The following FKBP5 variants were observed in gnomAD, a reference collection of about 807,000 sequenced individuals.
FKBP5 encodes the protein peptidyl-prolyl cis-trans isomerase FKBP5.
In FKBP5, 23 loss-of-function variants were observed where a neutral mutation model predicts 50.5. The observed-to-expected ratio is 0.46, with a 90% confidence interval of 0.33 to 0.65. The LOEUF (loss-of-function observed/expected upper bound fraction) is 0.65. Ranked by LOEUF, FKBP5 falls within the 30% of genes least tolerant of loss-of-function variation. The pLI is 0.02. For synonymous variants in FKBP5, 176 were observed against 190.6 expected, an observed-to-expected ratio of 0.92 and a Z score of 0.63; for missense variants, 411 against 553.1, an observed-to-expected ratio of 0.74 and a Z score of 2.58.
At chr6:35,608,699 T>C (rs1213732142) in intron 5 of FKBP5, among the ~76,000 whole-genome samples, 1 of 152,116 alleles carries the variant, frequency 6.6e-6, no homozygotes, top group Non-Finnish European at 1.5e-5. Flanking sequence ...AAAAATGTTT[T>C]AAAAAAGAAA....
Position 35,668,728 on chromosome 6 carries a change from C to T in FKBP5, c.-20+20076G>A, listed in dbSNP as rs1479656149. On this transcript the variant is annotated intron_variant, in intron 1 of 10. Coordinates refer to ENST00000357266, the MANE Select transcript of FKBP5 (RefSeq NM_004117.4). ...AGTTTTAGGGTACATGTGAAGTCAC[C>T]TCTTTTGTTAAAATGCACAACAATA... Among the ~76,000 whole-genome samples, 4 of 151,784 alleles carry T rather than the reference C, an allele frequency of 2.6e-5. No homozygotes were observed. In the East Asian group the frequency reaches 5.8e-4, roughly 22 times the overall value.
chr6:35,652,593 C>G (rs1273003333), intron 1 of FKBP5, among the ~76,000 whole-genome samples: 1 of 152,162 alleles, frequency 6.6e-6, no homozygotes, highest in Admixed American at 6.5e-5. Context: ...AAATTCCCGC[C>G]TAATAAACTT....
At chr6:35,643,575 C>A (rs1347223306) in intron 1 of FKBP5, among the ~76,000 whole-genome samples, 1 of 152,132 alleles carries the variant, frequency 6.6e-6, no homozygotes, top group Non-Finnish European at 1.5e-5. Flanking sequence ...TTCTAGCTGC[C>A]ATTATTTTAT....
chr6:35,592,870 A>G (rs1002833171), intron 6 of FKBP5, among the ~76,000 whole-genome samples: 5 of 152,196 alleles, frequency 3.3e-5, no homozygotes, highest in Admixed American at 2.0e-4. Flanking sequence ...ACAGCCCCCT[A>G]TGACCAAGGA....
intron 1 of FKBP5, among the ~76,000 whole-genome samples, chr6:35,658,066 T>TAA (rs747364862): frequency 6.3e-5 from 7 of 111,036 alleles, no homozygotes; most frequent in South Asian, 2.8e-4. Context: ...CTGTTTCTAC[T>TAA]AAAAAAAAAA....
At chr6:35,680,001 T>A (rs188888640) in intron 1 of FKBP5, among the ~76,000 whole-genome samples, 34 of 152,226 alleles carry the variant, frequency 2.2e-4, no homozygotes, top group African/African-American at 8.2e-4. Context: ...GCAAAATAAA[T>A]GTTTATGTTG....
chr6:35,615,270 G>C (rs1186581527), intron 5 of FKBP5, among the ~76,000 whole-genome samples: 1 of 152,030 alleles, frequency 6.6e-6, no homozygotes, highest in African/African-American at 2.4e-5. Flanking sequence ...TGCTAAGTGG[G>C]TCTAGGAATG....
intron 3 of FKBP5, among the ~76,000 whole-genome samples, chr6:35,628,275 T>C (rs955612439): frequency 3.3e-5 from 5 of 152,178 alleles, no homozygotes; most frequent in African/African-American, 9.7e-5. Context: ...GGCACCCTTG[T>C]TGAAAAATCA....
chr6:35,598,130 T>C (rs1369888726), intron 5 of FKBP5, among the ~76,000 whole-genome samples: 1 of 152,178 alleles, frequency 6.6e-6, no homozygotes, highest in Non-Finnish European at 1.5e-5. Context: ...ACCAAGCTCT[T>C]TCCCAGAGTA....
At chr6:35,644,577 T>G (rs946745436) in intron 1 of FKBP5, among the ~76,000 whole-genome samples, 1 of 152,212 alleles carries the variant, frequency 6.6e-6, no homozygotes, top group Non-Finnish European at 1.5e-5. Flanking sequence ...TCTAGTACGC[T>G]TTATACCAAA....
chr6:35,578,563 T>C (rs1432395005), intron 9 of FKBP5, among the ~76,000 whole-genome samples: 1 of 152,082 alleles, frequency 6.6e-6, no homozygotes. Flanking sequence ...AGGTCAGGAA[T>C]TGGAAACCAG....
intron 1 of FKBP5, among the ~76,000 whole-genome samples, chr6:35,727,470 G>A (rs2151026709): frequency 6.6e-6 from 1 of 152,340 alleles, no homozygotes; most frequent in East Asian, 1.9e-4. Context: ...ACTCGCCAGT[G>A]TCTGGGCTCT....
chr6:35,589,128 A>ATATATATATT (rs1427010607), intron 7 of FKBP5, among the ~76,000 whole-genome samples: 65 of 121,542 alleles, frequency 5.3e-4, no homozygotes, highest in African/African-American at 2.0e-3. Flanking sequence ...ATATATATAT[A>ATATATATATT]TTTTTTTTTT....
At chr6:35,592,743 TC>T (rs1254101603) in intron 6 of FKBP5, among the ~76,000 whole-genome samples, 4 of 152,184 alleles carry the variant, frequency 2.6e-5, no homozygotes, top group Non-Finnish European at 5.9e-5. Flanking sequence ...TCCTCTTCCC[TC>T]CAGGAAACCT....
At chr6:35,620,420 C>A in intron 3 of FKBP5, 146 bp from the exon 4 acceptor site, 3 of 752,126 alleles carry the variant, frequency 4.0e-6, no homozygotes, top group African/African-American at 1.8e-5. Flanking sequence ...GTGCTACATA[C>A]AAATAAATAA....
At chr6:35,640,078 C>T (rs575810507) in intron 2 of FKBP5, among the ~76,000 whole-genome samples, 3 of 152,224 alleles carry the variant, frequency 2.0e-5, no homozygotes, top group East Asian at 1.9e-4. Context: ...AAGAAATGCA[C>T]GTGAAAATGA....
intron 8 of FKBP5, chr6:35,585,894 T>C (rs1762583753): frequency 1.0e-6 from 1 of 985,202 alleles, no homozygotes; most frequent in Non-Finnish European, 1.2e-6. Context: ...TATATATTCT[T>C]ACATAATTCT....
chr6:35,723,763 C>T (rs1228088560), intron 1 of FKBP5, among the ~76,000 whole-genome samples: 1 of 152,204 alleles, frequency 6.6e-6, no homozygotes, highest in African/African-American at 2.4e-5. Context: ...TGCTTCATCC[C>T]CTGGGGGTAG....
chr6:35,671,997 C>CA (rs929780152), intron 1 of FKBP5, among the ~76,000 whole-genome samples: 3 of 152,064 alleles, frequency 2.0e-5, no homozygotes, highest in Non-Finnish European at 2.9e-5. Flanking sequence ...GCCTCCCCAG[C>CA]ATCTGGGACT....
Sources: allele counts gnomAD v4.1 joint callset (sites outside exome capture counted in the v4.1 genomes callset), GRCh38; gene constraint gnomAD v4.1.1; transcripts MANE v1.5; gene names NCBI Gene and HGNC (gene_info 2026-07-23, HGNC 2026-07-21).